RAB3C: variants seen among roughly 807,000 people sequenced by gnomAD.
The protein encoded by RAB3C is RAB3C, member RAS oncogene family.
A neutral mutation model predicts 26.4 loss-of-function variants in RAB3C; 17 were observed. That is an observed-to-expected ratio of 0.64 (90% CI 0.44 to 0.97). The LOEUF (loss-of-function observed/expected upper bound fraction) is 0.97, where lower values mean the gene tolerates loss of function less well. Ranked by LOEUF, RAB3C falls within the 50% of genes least tolerant of loss-of-function variation. The probability of loss-of-function intolerance (pLI) is 0.00; values close to 1 mark genes in which losing one functional copy is unlikely to be tolerated. For missense variants in RAB3C, 242 were observed against 281.9 expected, an observed-to-expected ratio of 0.86 and a Z score of 1.01; for synonymous variants, 91 against 95.9, an observed-to-expected ratio of 0.95 and a Z score of 0.30.
intron 1 of RAB3C, among the ~76,000 whole-genome samples, chr5:58,609,124 G>A (rs1746636812): frequency 6.6e-6 from 1 of 152,084 alleles, no homozygotes; most frequent in South Asian, 2.1e-4. Context: ...AACCAACATG[G>A]CACATGTGTA....
At chr5:58,679,237 G>A in intron 2 of RAB3C, among the ~76,000 whole-genome samples, 1 of 152,160 alleles carries the variant, frequency 6.6e-6, no homozygotes, top group Non-Finnish European at 1.5e-5. Context: ...TGAATGTCAT[G>A]GTCCAGGACT....
intron 1 of RAB3C, among the ~76,000 whole-genome samples, chr5:58,600,326 C>T (rs982156941): frequency 6.6e-6 from 1 of 151,856 alleles, no homozygotes; most frequent in Admixed American, 6.6e-5. Flanking sequence ...TATGCAGGCT[C>T]TTTTTGGTTT....
At chr5:58,706,231 C>A (rs1748941277) in intron 2 of RAB3C, among the ~76,000 whole-genome samples, 1 of 152,116 alleles carries the variant, frequency 6.6e-6, no homozygotes, top group Non-Finnish European at 1.5e-5. Flanking sequence ...TGAGATCCAT[C>A]AGTTACAGCT....
Position 58,797,551 on chromosome 5 carries a change from G to A in RAB3C, c.372-27487G>A, listed in dbSNP as rs565148457. Among the ~76,000 whole-genome samples, 14 of 151,708 alleles carry A rather than the reference G, an allele frequency of 9.2e-5. No homozygotes were observed. The South Asian group carries it at 1.3e-3, about 14-fold the overall frequency. ...CTGCCTCCCGTTGGAAAAGATAAAC[G>A]TCCTCCTTCCCTCCATAGAGATAGA... is the stretch of plus-strand genomic sequence containing the variant. On this transcript the variant is annotated intron_variant, in intron 3 of 4. Transcript: ENST00000282878.
At chr5:58,712,237 A>G (rs1162862780) in intron 2 of RAB3C, among the ~76,000 whole-genome samples, 1 of 151,804 alleles carries the variant, frequency 6.6e-6, no homozygotes, top group Non-Finnish European at 1.5e-5. Context: ...TCATTTTGCC[A>G]GTTTATGGGA....
chr5:58,815,923 AAG>A (rs1170213431), intron 3 of RAB3C: 15 of 152,320 alleles, frequency 9.8e-5, no homozygotes, highest in Admixed American at 3.9e-4. Context: ...GGAAGAGACT[AAG>A]AGGGCCTGAC....
chr5:58,848,417 C>T (rs1314495475), intron 4 of RAB3C: 1 of 152,148 alleles, frequency 6.6e-6, no homozygotes, highest in Non-Finnish European at 1.5e-5. Context: ...TGGTAGCTTA[C>T]TTTTTCAGTG....
chr5:58,753,177 T>A (rs1741571996), intron 3 of RAB3C, among the ~76,000 whole-genome samples: 1 of 152,194 alleles, frequency 6.6e-6, no homozygotes, highest in Non-Finnish European at 1.5e-5. Flanking sequence ...AAGGTGGGTG[T>A]CCTGTCTGGA....
At chr5:58,709,999 T>G (rs1470056136) in intron 2 of RAB3C, among the ~76,000 whole-genome samples, 1 of 152,200 alleles carries the variant, frequency 6.6e-6, no homozygotes, top group Non-Finnish European at 1.5e-5. Flanking sequence ...GTGAGGTCAC[T>G]AAATTCACAC....
At chr5:58,642,522 A>T (rs983898407) in intron 2 of RAB3C, among the ~76,000 whole-genome samples, 9 of 152,232 alleles carry the variant, frequency 5.9e-5, no homozygotes, top group Admixed American at 5.9e-4. Flanking sequence ...AATTTTAAGC[A>T]TTATAAAACA....
At chr5:58,593,072 C>A (rs1746173430) in intron 1 of RAB3C, among the ~76,000 whole-genome samples, 1 of 152,078 alleles carries the variant, frequency 6.6e-6, no homozygotes, top group South Asian at 2.1e-4. Context: ...TATCATCCCA[C>A]AACTAACTGA....
rs917506807 is a variant in RAB3C, at chr5:58,726,737, A to G, written c.371+617A>G. Among the ~76,000 whole-genome samples, 3 of 152,160 alleles carry G rather than the reference A, an allele frequency of 2.0e-5. No homozygotes were observed. The Middle Eastern group carries it at 0.01, about 518-fold the overall frequency. On this transcript the variant is annotated intron_variant, in intron 3 of 4. Transcript: ENST00000282878. ...CTGAGATAAAGGATAAGATAAAACC[A>G]AAACTTTTTCTGACTCATAGCTGCA...
chr5:58,658,588 G>T (rs1211246520), intron 2 of RAB3C, among the ~76,000 whole-genome samples: 1 of 152,184 alleles, frequency 6.6e-6, no homozygotes, highest in Non-Finnish European at 1.5e-5. Flanking sequence ...CCTAACCATG[G>T]TAAGGTTTAG....
chr5:58,813,462 C>G (rs1427920068), intron 3 of RAB3C, among the ~76,000 whole-genome samples: 4 of 151,810 alleles, frequency 2.6e-5, no homozygotes, highest in African/African-American at 9.7e-5. Context: ...ATGCACGCTG[C>G]AGGTTGGGTA....
intron 3 of RAB3C, among the ~76,000 whole-genome samples, chr5:58,731,601 C>T (rs1741021428): frequency 6.6e-6 from 1 of 152,108 alleles, no homozygotes; most frequent in Non-Finnish European, 1.5e-5. Context: ...AGAGAACAAA[C>T]ATGGAGGGTG....
chr5:58,747,421 C>T (rs1041584286), intron 3 of RAB3C, among the ~76,000 whole-genome samples: 3 of 152,096 alleles, frequency 2.0e-5, no homozygotes, highest in Admixed American at 6.5e-5. Context: ...TTAGGATGTA[C>T]GCAACCGGAG....
chr5:58,620,854 C>T (rs1480762533), intron 2 of RAB3C, among the ~76,000 whole-genome samples: 1 of 152,028 alleles, frequency 6.6e-6, no homozygotes, highest in East Asian at 1.9e-4. Context: ...AAAGAGTTCA[C>T]ATTGAAGGCA....
intron 2 of RAB3C, among the ~76,000 whole-genome samples, chr5:58,634,611 A>C (rs1256435517): frequency 1.3e-5 from 2 of 152,216 alleles, no homozygotes; most frequent in African/African-American, 4.8e-5. Flanking sequence ...GAAAAAATTC[A>C]ACATCCAATC....
rs777169067 is a variant in RAB3C, at chr5:58,858,867, T to C, written c.*7516T>C. The C allele has an allele frequency of 5.3e-5, 8 of 152,220 alleles. No homozygotes were observed. Among genetic ancestry groups the C allele is most frequent in the Non-Finnish European group, 1.2e-4 (8 of 68,040 alleles). 9.4% of individuals were successfully genotyped at this position (152,220 alleles called of 1,614,324 possible). On this transcript the variant is annotated 3_prime_UTR_variant, in exon 5 of 5. Transcript: ENST00000282878. ...GACTCAGCCACAATATGCAAATTGC[T>C]TTAATGCCATATTACGGCAGTTGAT...
Sources: allele counts gnomAD v4.1 joint callset (sites outside exome capture counted in the v4.1 genomes callset), GRCh38; gene constraint gnomAD v4.1.1; transcripts MANE v1.5; gene names NCBI Gene and HGNC (gene_info 2026-07-23, HGNC 2026-07-21).